GNAQ: variants seen among roughly 807,000 people sequenced by gnomAD.
The protein encoded by GNAQ is guanine nucleotide-binding protein G(q) subunit alpha.
Under a neutral mutation model 43.9 loss-of-function variants are expected in GNAQ, and 8 were observed. That is an observed-to-expected ratio of 0.18 (90% CI 0.11 to 0.33). The LOEUF is 0.33. Among genes scored for constraint, GNAQ ranks in the 10% least tolerant of loss-of-function variants. GNAQ has a pLI of 1.00. For missense variants in GNAQ, 158 were observed against 450.8 expected, an observed-to-expected ratio of 0.35 and a Z score of 5.88; for synonymous variants, 155 against 170.7, an observed-to-expected ratio of 0.91 and a Z score of 0.71.
chr9:77,724,830 G>A (rs568856728), intron 6 of GNAQ, among the ~76,000 whole-genome samples: 230 of 151,870 alleles, frequency 1.5e-3, no homozygotes, highest in African/African-American at 5.3e-3. Context: ...ATATTTAATA[G>A]ATAAAAAGTA....
At chr9:77,809,236 A>G (rs958175699) in intron 3 of GNAQ, among the ~76,000 whole-genome samples, 14 of 152,174 alleles carry the variant, frequency 9.2e-5, no homozygotes, top group Admixed American at 7.9e-4. Context: ...AAGGTGTCTG[A>G]TTTACCCAGC....
intron 5 of GNAQ, among the ~76,000 whole-genome samples, chr9:77,750,831 T>C (rs1825800559): frequency 6.7e-6 from 1 of 149,600 alleles, no homozygotes; most frequent in Admixed American, 6.7e-5. Flanking sequence ...TTCTATACAC[T>C]CCCCCAACAC....
chr9:77,799,399 C>T (rs1564114056), intron 3 of GNAQ, among the ~76,000 whole-genome samples: 2 of 152,036 alleles, frequency 1.3e-5, no homozygotes, highest in East Asian at 3.9e-4. Flanking sequence ...CATGACCTAC[C>T]CAGGGTAGGG....
At chr9:77,910,328 A>G (rs1828779157) in intron 2 of GNAQ, among the ~76,000 whole-genome samples, 2 of 152,208 alleles carry the variant, frequency 1.3e-5, no homozygotes, top group Admixed American at 6.5e-5. Context: ...TATTCTGCCT[A>G]ACTGAAAATA....
intron 3 of GNAQ, among the ~76,000 whole-genome samples, chr9:77,807,052 G>C (rs1826840491): frequency 6.6e-6 from 1 of 152,160 alleles, no homozygotes; most frequent in Non-Finnish European, 1.5e-5. Context: ...ATTTTGACAA[G>C]GATGATCAGG....
At chr9:77,972,086 G>A (rs1189524559) in intron 1 of GNAQ, among the ~76,000 whole-genome samples, 3 of 151,896 alleles carry the variant, frequency 2.0e-5, no homozygotes, top group South Asian at 4.1e-4. Flanking sequence ...ATGTACAATC[G>A]TGTCATCTGC....
chr9:78,018,656 T>C lies in GNAQ; in HGVS notation c.136+12444A>G, dbSNP rs17064037. 6.4e-3 allele frequency among the ~76,000 whole-genome samples: 978 copies of C among 152,236 alleles called. 15 individuals are homozygous for C. Among genetic ancestry groups the C allele is most frequent in the African/African-American group, 0.022 (917 of 41,556 alleles). ...AACTTGGACTGTCTATTAAGCACAA[T>C]AGCTTTTCTCCTTACCAAACTTTTT... is the stretch of plus-strand genomic sequence containing the variant. On this transcript the variant is annotated intron_variant, in intron 1 of 6. Transcript: ENST00000286548.
chr9:77,760,079 T>A (rs931491830), intron 5 of GNAQ, among the ~76,000 whole-genome samples: 4 of 150,670 alleles, frequency 2.7e-5, no homozygotes, highest in Non-Finnish European at 5.9e-5. Flanking sequence ...ATTTTTTTTT[T>A]AATTGAGGTG....
At chr9:77,942,981 C>A (rs1036755945) in intron 1 of GNAQ, among the ~76,000 whole-genome samples, 2 of 152,072 alleles carry the variant, frequency 1.3e-5, no homozygotes, top group African/African-American at 4.8e-5. Context: ...GTGAATTTAC[C>A]TTTCTGGTTT....
At chr9:78,008,609 C>T (rs147588086) in intron 1 of GNAQ, among the ~76,000 whole-genome samples, 4 of 129,788 alleles carry the variant, frequency 3.1e-5, no homozygotes, top group African/African-American at 1.4e-4. Flanking sequence ...CATTTCATTT[C>T]ATTTCATTTC....
At chr9:77,834,469 A>T (rs1005364777) in intron 2 of GNAQ, among the ~76,000 whole-genome samples, 4 of 151,454 alleles carry the variant, frequency 2.6e-5, no homozygotes, top group Non-Finnish European at 4.4e-5. Flanking sequence ...AAGAATTTTT[A>T]AAATTGGGGA....
rs1244010736 is a variant in GNAQ, at chr9:77,904,317, C to CCTTTTTT, written c.321+17843_321+17844insAAAAAAG. Among the ~76,000 whole-genome samples the CCTTTTTT allele has an allele frequency of 5.3e-4, 41 of 77,432 alleles. 1 individual carries two copies. The highest frequency in any genetic ancestry group is 2.2e-3 in the African/African-American group (39 of 17,650). The allele number at this position is 77,432 out of a possible 152,430, so 50.8% of individuals were successfully genotyped here. On this transcript the variant is annotated intron_variant, in intron 2 of 6. Coordinates refer to ENST00000286548, the MANE Select transcript of GNAQ (RefSeq NM_002072.5). ...TGGAGTTAACAGAAGTTCACACCGG[C>CCTTTTTT]TTTTTTTTTTTTTTTTTTTTTTTTT...
At chr9:77,952,784 T>C (rs1474230351) in intron 1 of GNAQ, among the ~76,000 whole-genome samples, 1 of 152,228 alleles carries the variant, frequency 6.6e-6, no homozygotes, top group African/African-American at 2.4e-5. Context: ...CATTGGTAAA[T>C]GTCTAAGAAG....
chr9:77,868,942 A>G (rs1827992269), intron 2 of GNAQ, among the ~76,000 whole-genome samples: 1 of 152,180 alleles, frequency 6.6e-6, no homozygotes, highest in Non-Finnish European at 1.5e-5. Context: ...AGCCGAGATC[A>G]TGCCACTGCA....
chr9:77,816,048 T>C (rs1454541021), intron 2 of GNAQ, among the ~76,000 whole-genome samples: 1 of 152,218 alleles, frequency 6.6e-6, no homozygotes, highest in Non-Finnish European at 1.5e-5. Context: ...ACAATAAGAA[T>C]GTTATGCTTA....
intron 2 of GNAQ, among the ~76,000 whole-genome samples, chr9:77,823,097 G>T (rs1219619282): frequency 6.6e-6 from 1 of 151,864 alleles, no homozygotes; most frequent in African/African-American, 2.4e-5. Context: ...CTGCCACAAC[G>T]CCCGGCTAAT....
chr9:77,996,476 G>A (rs887051440), intron 1 of GNAQ, among the ~76,000 whole-genome samples: 4 of 151,822 alleles, frequency 2.6e-5, no homozygotes, highest in Non-Finnish European at 5.9e-5. Flanking sequence ...TCAGGAATTC[G>A]AGACCAGCCT....
At chr9:77,987,863 C>T (rs1230167014) in intron 1 of GNAQ, among the ~76,000 whole-genome samples, 2 of 152,020 alleles carry the variant, frequency 1.3e-5, no homozygotes, top group Non-Finnish European at 2.9e-5. Context: ...AGACCCCCAT[C>T]TCTAAAAAAG....
intron 2 of GNAQ, among the ~76,000 whole-genome samples, chr9:77,880,555 G>GTTTTTTTT (rs55926441): frequency 4.9e-5 from 7 of 141,478 alleles, no homozygotes; most frequent in Non-Finnish European, 7.6e-5. Flanking sequence ...GATTTTTTCT[G>GTTTTTTTT]TTTTTTTTTT....
Sources: allele counts gnomAD v4.1 joint callset (sites outside exome capture counted in the v4.1 genomes callset), GRCh38; gene constraint gnomAD v4.1.1; transcripts MANE v1.5; gene names NCBI Gene and HGNC (gene_info 2026-07-23, HGNC 2026-07-21).